Variants in NCKAP5 observed in about 807,000 individuals in gnomAD.
NCKAP5 encodes the protein nck-associated protein 5.
NCKAP5 carries 92 observed loss-of-function variants against 167.0 expected under a neutral mutation model. The ratio of observed to expected loss-of-function variants is 0.55; its 90% confidence interval spans 0.47 to 0.66. The LOEUF is 0.66. Ranked by LOEUF, NCKAP5 falls within the 30% of genes least tolerant of loss-of-function variation. The probability of loss-of-function intolerance (pLI) is 0.00; values close to 1 mark genes in which losing one functional copy is unlikely to be tolerated. For synonymous variants in NCKAP5, 891 were observed against 877.4 expected, an observed-to-expected ratio of 1.02 and a Z score of -0.27; for missense variants, 2,378 against 2,315.0, an observed-to-expected ratio of 1.03 and a Z score of -0.56.
At chr2:133,181,510 A>G (rs910152134) in intron 5 of NCKAP5, among the ~76,000 whole-genome samples, 1 of 151,554 alleles carries the variant, frequency 6.6e-6, no homozygotes, top group Admixed American at 6.6e-5. Flanking sequence ...GTGCTAATTA[A>G]AATCATATTT....
chr2:133,315,378 C>G (rs1489431851), intron 3 of NCKAP5, among the ~76,000 whole-genome samples: 1 of 152,078 alleles, frequency 6.6e-6, no homozygotes, highest in Non-Finnish European at 1.5e-5. Context: ...GATTTGGGGC[C>G]TGAGCAGTTG....
intron 8 of NCKAP5, among the ~76,000 whole-genome samples, chr2:132,888,939 T>C (rs1473237392): frequency 6.6e-6 from 1 of 152,186 alleles, no homozygotes; most frequent in Non-Finnish European, 1.5e-5. Context: ...GATTGACCAA[T>C]GGAAGGAGGC....
At chr2:132,832,104 T>C (rs868149207) in intron 11 of NCKAP5, among the ~76,000 whole-genome samples, 4 of 152,152 alleles carry the variant, frequency 2.6e-5, no homozygotes, top group South Asian at 2.1e-4. Flanking sequence ...TCCCCCTTCA[T>C]GCTTTCTTTT....
Position 132,708,746 on chromosome 2 carries a change from G to A in NCKAP5, c.5713+16881C>T, listed in dbSNP as rs1420026377. On this transcript the variant is annotated intron_variant, in intron 19 of 19. Coordinates refer to ENST00000409261, the MANE Select transcript of NCKAP5 (RefSeq NM_207363.3). Reference sequence around the variant, plus strand: ...TCTATTCTTTAGAATGCCTTCTTACGTCTTTCCCCTTTTTCTATTATATTG... The same window carrying A: ...TCTATTCTTTAGAATGCCTTCTTACATCTTTCCCCTTTTTCTATTATATTG... 7.2e-5 allele frequency among the ~76,000 whole-genome samples: 11 copies of A among 152,278 alleles called. 1 individual carries two copies. The highest frequency in any genetic ancestry group is 2.1e-4 in the South Asian group (1 of 4,820).
intron 5 of NCKAP5, among the ~76,000 whole-genome samples, chr2:133,202,786 A>G (rs1475387226): frequency 6.6e-6 from 1 of 152,242 alleles, no homozygotes; most frequent in Non-Finnish European, 1.5e-5. Flanking sequence ...GACACATGAA[A>G]AAATGCTCAT....
chr2:133,044,739 G>A (rs1253305351), intron 6 of NCKAP5, among the ~76,000 whole-genome samples: 2 of 152,150 alleles, frequency 1.3e-5, no homozygotes, highest in Admixed American at 1.3e-4. Context: ...TGTCCCTGGA[G>A]AAGCTCTTAC....
chr2:133,589,619 G>A, the NCKAP5 span, among the ~76,000 whole-genome samples: 3 of 152,180 alleles, frequency 2.0e-5, no homozygotes, highest in African/African-American at 7.2e-5. Flanking sequence ...CATAAATAAA[G>A]AAGAAAAGAT....
At chr2:133,632,107 C>A in the NCKAP5 span, among the ~76,000 whole-genome samples, 1 of 152,146 alleles carries the variant, frequency 6.6e-6, no homozygotes, top group Admixed American at 6.5e-5. Flanking sequence ...GTGTCCTGTC[C>A]CCCAAGCTGC....
intron 11 of NCKAP5, among the ~76,000 whole-genome samples, chr2:132,820,531 G>GT (rs371735531): frequency 3.2e-4 from 48 of 151,538 alleles, no homozygotes; most frequent in African/African-American, 9.7e-4. Context: ...CCCAGCCAGT[G>GT]TTTTTTTTGT....
At chr2:132,790,252 G>C in intron 12 of NCKAP5, 47 bp from the exon 13 acceptor site, 1 of 1,525,948 alleles carries the variant, frequency 6.6e-7, no homozygotes. Context: ...TCAGAGGAGA[G>C]TAAATATCAA....
Position 133,280,369 on chromosome 2 carries a change from G to A in NCKAP5, c.143+22668C>T, listed in dbSNP as rs996279587. 2.0e-5 allele frequency among the ~76,000 whole-genome samples: 3 copies of A among 152,072 alleles called. No homozygotes were observed. In the East Asian group the frequency reaches 5.8e-4, roughly 29 times the overall value. On this transcript the variant is annotated intron_variant, in intron 4 of 19. Coordinates refer to ENST00000409261, the MANE Select transcript of NCKAP5 (RefSeq NM_207363.3). ...TATTGACCCCTTAACCCTAGCATAG[G>A]GATAGTTTCTTTTGTTTTCTGTTCG...
chr2:132,806,868 T>C (rs1481759306), intron 11 of NCKAP5, among the ~76,000 whole-genome samples: 1 of 152,172 alleles, frequency 6.6e-6, no homozygotes, highest in African/African-American at 2.4e-5. Flanking sequence ...GAAGGGTTTT[T>C]CCAATGTTAT....
chr2:133,370,183 AG>A (rs528324912), intron 3 of NCKAP5, among the ~76,000 whole-genome samples: 3 of 152,190 alleles, frequency 2.0e-5, no homozygotes, highest in Non-Finnish European at 4.4e-5. Context: ...GCATTTGTAA[AG>A]GGCATTGATT....
the NCKAP5 span, among the ~76,000 whole-genome samples, chr2:133,647,376 A>AAAGGAAGGAAGG: frequency 0.015 from 1,219 of 82,492 alleles, 25 homozygotes; most frequent in Admixed American, 0.026. Flanking sequence ...AGGAAGAAAG[A>AAAGGAAGGAAGG]AAGGAAGGAA....
chr2:132,951,472 C>G (rs1190320630), intron 8 of NCKAP5, among the ~76,000 whole-genome samples: 1 of 152,202 alleles, frequency 6.6e-6, no homozygotes, highest in African/African-American at 2.4e-5. Context: ...CATCTTAAAT[C>G]TCTGGTCCTT....
At chr2:133,565,155 C>T (rs1032971261) in intron 1 of NCKAP5, among the ~76,000 whole-genome samples, 2 of 152,160 alleles carry the variant, frequency 1.3e-5, no homozygotes, top group African/African-American at 4.8e-5. Flanking sequence ...TGCTGAAGAA[C>T]ATACAAGCCC....
chr2:133,230,953 C>G (rs1027868937), intron 4 of NCKAP5, among the ~76,000 whole-genome samples: 1 of 152,078 alleles, frequency 6.6e-6, no homozygotes, highest in African/African-American at 2.4e-5. Context: ...ATTAATGTTC[C>G]ACACAAATGG....
intron 6 of NCKAP5, among the ~76,000 whole-genome samples, chr2:133,048,462 A>C (rs922100519): frequency 1.3e-5 from 2 of 152,164 alleles, no homozygotes; most frequent in Non-Finnish European, 2.9e-5. Context: ...TTGATGATTG[A>C]ATATATTTTA....
At chr2:133,546,084 A>C (rs1339905892) in intron 2 of NCKAP5, among the ~76,000 whole-genome samples, 4 of 150,864 alleles carry the variant, frequency 2.7e-5, no homozygotes, top group South Asian at 2.1e-4. Context: ...GCACACACAC[A>C]CCCCCCACAC....
Sources: gnomAD v4.1 joint callset for allele counts (sites outside exome capture counted in the v4.1 genomes callset) on GRCh38, gnomAD v4.1.1 for gene constraint, MANE v1.5 for transcripts, NCBI Gene and HGNC (gene_info 2026-07-23, HGNC 2026-07-21) for gene names.